The following STX3 variants were observed in gnomAD, a reference collection of about 807,000 sequenced individuals.
The protein encoded by STX3 is syntaxin 3.
A neutral mutation model predicts 40.2 loss-of-function variants in STX3; 19 were observed. The ratio of observed to expected loss-of-function variants is 0.47; its 90% CI spans 0.33 to 0.69. STX3 has a LOEUF of 0.69. Ranked by LOEUF, STX3 falls within the 30% of genes least tolerant of loss-of-function variation. The probability of loss-of-function intolerance (pLI) is 0.02; values close to 1 mark genes in which losing one functional copy is unlikely to be tolerated. For synonymous variants in STX3, 122 were observed against 132.2 expected (o/e 0.92, Z 0.53); for missense variants, 364 against 366.7 (o/e 0.99, Z 0.06).
At chr11:59,764,084 G>A (rs192246140) in intron 1 of STX3, among the ~76,000 whole-genome samples, 73 of 152,186 alleles carry the variant, frequency 4.8e-4, no homozygotes, top group Middle Eastern at 3.4e-3. Context: ...AGAAGTAGTG[G>A]AAGAAGAATT....
chr11:59,791,172 A>T (rs1165679749), intron 5 of STX3, among the ~76,000 whole-genome samples: 1 of 152,206 alleles, frequency 6.6e-6, no homozygotes, highest in Admixed American at 6.5e-5. Flanking sequence ...TCTGAGAGGC[A>T]CAGGGGCAGG....
chr11:59,790,769 C>T (rs1865093538), intron 5 of STX3, among the ~76,000 whole-genome samples, 183 bp downstream of exon 5: 1 of 152,090 alleles, frequency 6.6e-6, no homozygotes, highest in Non-Finnish European at 1.5e-5. Context: ...TTTGGCTCCT[C>T]TCCTGTACTC....
chr11:59,800,813 C>A lies in STX3; in HGVS notation c.*31-42C>A, dbSNP rs138143065. The A allele has an allele frequency of 6.9e-4, 1,060 of 1,536,184 alleles. 5 individuals carry two copies. In the African/African-American group the frequency reaches 0.012, roughly 18 times the overall value. On this transcript the variant is annotated intron_variant, in intron 10 of 10. Transcript: ENST00000337979. ...GACTCCTTCTGTTGCCCTTTGCCTT[C>A]TTCCTGTGTACTGATCAGCTCCTCC...
chr11:59,761,705 CT>C (rs1322153046), intron 1 of STX3, among the ~76,000 whole-genome samples: 5 of 152,124 alleles, frequency 3.3e-5, no homozygotes, highest in African/African-American at 1.2e-4. Context: ...TTTCCCCAGT[CT>C]CCATCTGGAA....
intron 1 of STX3, among the ~76,000 whole-genome samples, chr11:59,757,074 A>ATC (rs1047675431): frequency 6.6e-6 from 1 of 152,130 alleles, no homozygotes; most frequent in Non-Finnish European, 1.5e-5. Context: ...GTGCTTAGTC[A>ATC]TCTCAGCCTC....
At position 59,793,440 on chromosome 11, in the gene STX3, A is replaced by C. The variant is rs1218906577; in HGVS notation, c.601A>C (p.Ile201Leu). ...LSEIEGRHKD[I>L]VRLESSIKEL... ...TGAGATTGAGGGACGACACAAGGAC[A>C]TTGTGAGGCTGGAGAGCAGCATCAA... is the stretch of plus-strand genomic sequence containing the variant. The change falls in exon 8 of 11, where the codon ATT (isoleucine) becomes CTT (leucine). Residue 201 changes from isoleucine (I) to leucine (L), a missense_variant. By Grantham distance (5) the Ile-to-Leu change is conservative (BLOSUM62 2). Transcript: ENST00000337979. 1 of 1,614,216 alleles carries C rather than the reference A, an allele frequency of 6.2e-7. No homozygotes were observed. Among genetic ancestry groups the C allele is most frequent in the Non-Finnish European group, 8.5e-7 (1 of 1,180,038 alleles).
intron 1 of STX3, among the ~76,000 whole-genome samples, chr11:59,762,729 A>G (rs1018521320): frequency 6.6e-6 from 1 of 152,140 alleles, no homozygotes; most frequent in Non-Finnish European, 1.5e-5. Flanking sequence ...AAGAGAGGGA[A>G]GAAGTGTGGG....
At chr11:59,765,663 G>A (rs1288701208) in intron 1 of STX3, among the ~76,000 whole-genome samples, 1 of 152,138 alleles carries the variant, frequency 6.6e-6, no homozygotes, top group Non-Finnish European at 1.5e-5. Flanking sequence ...AATTAGCTGG[G>A]TGTGGTGGTG....
rs1258541584 is a variant in STX3 at position 59,805,467 on chromosome 11, C to T, written c.*4643C>T. 1 of 152,158 alleles carries T rather than the reference C, an allele frequency of 6.6e-6. No individual in the cohort carries two copies. Among genetic ancestry groups the T allele is most frequent in the Non-Finnish European group, 1.5e-5 (1 of 68,028 alleles). 9.4% of individuals were successfully genotyped at this position (152,158 alleles called of 1,614,324 possible). ...ATATTTTGGTCAGTGCTGTTTTCTA[C>T]CCACCTTCAAAAGCCAATGGTTTGA... On this transcript the variant is annotated 3_prime_UTR_variant, in exon 11 of 11. Coordinates refer to ENST00000337979, the MANE Select transcript of STX3 (RefSeq NM_004177.5).
At position 59,791,052 on chromosome 11, in the gene STX3, C is replaced by T. The variant is rs375785439; in HGVS notation, c.357+466C>T. On this transcript the variant is annotated intron_variant, in intron 5 of 10. Transcript: ENST00000337979. ...CCAGCAGGAGGATGCGATAAGAAGA[C>T]ACATGCATGGTGCTCTCAGCATCAA... 6.0e-5 allele frequency among the ~76,000 whole-genome samples: 9 copies of T among 150,924 alleles called. No individual in the cohort carries two copies. The South Asian group carries it at 1.9e-3, about 31-fold the overall frequency.
chr11:59,760,768 G>C (rs1862988521), intron 1 of STX3, among the ~76,000 whole-genome samples: 2 of 152,212 alleles, frequency 1.3e-5, no homozygotes, highest in African/African-American at 4.8e-5. Flanking sequence ...GTTTGACTGA[G>C]ATCCCCATCT....
At chr11:59,765,207 G>T (rs191791200) in intron 1 of STX3, among the ~76,000 whole-genome samples, 2 of 152,232 alleles carry the variant, frequency 1.3e-5, no homozygotes, top group African/African-American at 4.8e-5. Flanking sequence ...CCTCTGGGAG[G>T]GTTTCACTGG....
At chr11:59,789,473 C>T (rs1299412988) in intron 4 of STX3, among the ~76,000 whole-genome samples, 1 of 150,108 alleles carries the variant, frequency 6.7e-6, no homozygotes, top group East Asian at 2.0e-4. Context: ...CAGAATCTTG[C>T]TCTGTTGCCC....
chr11:59,762,449 A>G (rs561624685), intron 1 of STX3, among the ~76,000 whole-genome samples: 1 of 152,378 alleles, frequency 6.6e-6, no homozygotes, highest in Non-Finnish European at 1.5e-5. Context: ...TGTCATGGTC[A>G]ATAGAAAGCA....
At chr11:59,761,251 G>A (rs1183127125) in intron 1 of STX3, among the ~76,000 whole-genome samples, 1 of 152,160 alleles carries the variant, frequency 6.6e-6, no homozygotes, top group Non-Finnish European at 1.5e-5. Context: ...GAAAACTTAG[G>A]TACTCCATTT....
chr11:59,796,218 TGGC>T (rs1294507856), intron 9 of STX3, among the ~76,000 whole-genome samples: 2 of 152,226 alleles, frequency 1.3e-5, no homozygotes, highest in African/African-American at 4.8e-5. Context: ...GCTCAGTAAC[TGGC>T]TTCAGGCCAC....
At chr11:59,800,122 C>T in intron 10 of STX3, 1 of 985,424 alleles carries the variant, frequency 1.0e-6, no homozygotes, top group Non-Finnish European at 1.2e-6. Context: ...CTATCTTTAA[C>T]CTGCTAAATT....
intron 1 of STX3, among the ~76,000 whole-genome samples, chr11:59,765,925 T>G (rs1863260197): frequency 6.6e-6 from 1 of 152,200 alleles, no homozygotes; most frequent in Non-Finnish European, 1.5e-5. Flanking sequence ...GAGAAATAAT[T>G]GTTTAAATTT....
chr11:59,792,984 T>C (rs2135018627), intron 6 of STX3, 115 bp from the exon 7 acceptor site: 1 of 933,144 alleles, frequency 1.1e-6, no homozygotes, highest in East Asian at 2.6e-5. Flanking sequence ...ATTGGGGGAG[T>C]GTTGTAAAGG....
Sources: allele counts gnomAD v4.1 joint callset (sites outside exome capture counted in the v4.1 genomes callset), GRCh38; gene constraint gnomAD v4.1.1; transcripts MANE v1.5; gene names NCBI Gene and HGNC (gene_info 2026-07-23, HGNC 2026-07-21).